Variants in VWA3A observed in about 807,000 individuals in gnomAD.
VWA3A encodes von Willebrand factor A domain containing 3A, also known as von Willebrand factor A domain-containing protein 3A.
In VWA3A, 134 loss-of-function variants were observed where a neutral mutation model predicts 160.4. That is an observed-to-expected ratio of 0.84 (90% CI 0.73 to 0.96). The LOEUF is 0.96. Among genes scored for constraint, VWA3A ranks in the 40% least tolerant of loss-of-function variants. The probability of loss-of-function intolerance (pLI) is 0.00; values close to 1 mark genes in which losing one functional copy is unlikely to be tolerated. For synonymous variants in VWA3A, 476 were observed against 543.4 expected (o/e 0.88, Z 1.72); for missense variants, 1,310 against 1,447.9 (o/e 0.90, Z 1.55).
intron 30 of VWA3A, among the ~76,000 whole-genome samples, chr16:22,151,566 C>T (rs1055456966): frequency 2.6e-5 from 4 of 151,898 alleles, no homozygotes; most frequent in East Asian, 1.9e-4. Context: ...TTTTTATAAA[C>T]GATCACTATA....
intron 22 of VWA3A, among the ~76,000 whole-genome samples, chr16:22,139,844 C>G (rs1409133290): frequency 6.6e-6 from 1 of 152,150 alleles, no homozygotes; most frequent in Non-Finnish European, 1.5e-5. Flanking sequence ...TGGCAAACCC[C>G]CATAGCTCTC....
intron 21 of VWA3A, among the ~76,000 whole-genome samples, 189 bp downstream of exon 21, chr16:22,134,627 C>T (rs2046008373): frequency 6.6e-6 from 1 of 152,152 alleles, no homozygotes; most frequent in South Asian, 2.1e-4. Flanking sequence ...AGAATCTTTC[C>T]TTGCCCCTCC....
At chr16:22,136,265 A>G (rs1422400115) in intron 21 of VWA3A, among the ~76,000 whole-genome samples, 4 of 152,116 alleles carry the variant, frequency 2.6e-5, no homozygotes, top group Non-Finnish European at 5.9e-5. Flanking sequence ...AAAACATACA[A>G]ACTGACCCCC....
chr16:22,129,600 A>T (rs1188030790), intron 17 of VWA3A, among the ~76,000 whole-genome samples: 1 of 152,094 alleles, frequency 6.6e-6, no homozygotes, highest in Non-Finnish European at 1.5e-5. Flanking sequence ...AGACATTAAG[A>T]GGAGGAGGAG....
intron 6 of VWA3A, among the ~76,000 whole-genome samples, chr16:22,105,234 C>G (rs2045466817): frequency 6.6e-6 from 1 of 152,220 alleles, no homozygotes; most frequent in African/African-American, 2.4e-5. Flanking sequence ...ACTACCCCAT[C>G]CTCGCACCTT....
At position 22,096,963 on chromosome 16, in the gene VWA3A, ATTTTTTTT is replaced by A; in HGVS notation, c.101+31_101+38del. The A allele has an allele frequency of 1.9e-6, 2 of 1,079,054 alleles. No individual in the cohort carries two copies. The highest frequency in any genetic ancestry group is 1.6e-5 in the South Asian group (1 of 62,024). 66.8% of individuals were successfully genotyped at this position (1,079,054 alleles called of 1,614,324 possible). A position where few individuals can be genotyped will look rare whatever the true frequency, so the allele number is the denominator to read the frequency against. On this transcript the variant is annotated intron_variant, in intron 2 of 33. Coordinates refer to ENST00000389398, the MANE Select transcript of VWA3A (RefSeq NM_173615.5). ...AACCATTGGTAAGCATAGTTCTCTG[ATTTTTTTT>A]TTTTTTTTTTTTGAGGCAGATTCTC... is the stretch of plus-strand genomic sequence containing the variant.
chr16:22,099,986 A>C (rs1252330172), intron 3 of VWA3A, among the ~76,000 whole-genome samples: 1 of 151,938 alleles, frequency 6.6e-6, no homozygotes, highest in Non-Finnish European at 1.5e-5. Context: ...GAGGCAGGAG[A>C]ATCACTTGAA....
At position 22,132,891 on chromosome 16, in the gene VWA3A, C is replaced by G. The variant is rs773733278; in HGVS notation, c.1873-9C>G. The G allele has an allele frequency of 7.5e-6, 12 of 1,607,074 alleles. No homozygotes were observed. In the South Asian group the frequency reaches 7.7e-5, roughly 10 times the overall value. The stretch of plus-strand genomic sequence containing the variant: ...CTGCTGGCCCCTCCTACCTTCTCTT[C>G]CCCACCAGCCTACACTCAGTGCCTA... On this transcript the variant is annotated splice_polypyrimidine_tract_variant and intron_variant, in intron 19 of 33. Coordinates refer to ENST00000389398, the MANE Select transcript of VWA3A (RefSeq NM_173615.5).
At chr16:22,155,771 G>T (rs1197373908) in intron 32 of VWA3A, 80 bp from the exon 33 acceptor site, 3 of 1,608,364 alleles carry the variant, frequency 1.9e-6, no homozygotes, top group African/African-American at 1.3e-5. Flanking sequence ...TTGCTCCAAG[G>T]GTTCCTGCCC....
chr16:22,115,288 A>G, intron 8 of VWA3A, 59 bp from the exon 9 acceptor site: 1 of 1,495,526 alleles, frequency 6.7e-7, no homozygotes. Flanking sequence ...AAAAGAAATT[A>G]AAATGAAATT....
chr16:22,123,768 C>G, intron 16 of VWA3A, 61 bp downstream of exon 16: 1 of 1,458,586 alleles, frequency 6.9e-7, no homozygotes, highest in Non-Finnish European at 9.4e-7. Context: ...TGACATTTAT[C>G]CGCCTCATGA....
chr16:22,100,369 A>C, intron 4 of VWA3A, 47 bp from the exon 5 acceptor site: 1 of 1,551,640 alleles, frequency 6.4e-7, no homozygotes, highest in Non-Finnish European at 8.7e-7. Flanking sequence ...TGACACATGC[A>C]ACCCCCTGGG....
intron 10 of VWA3A, 31 bp downstream of exon 10, chr16:22,116,898 T>C (rs1262117477): frequency 6.3e-7 from 1 of 1,597,934 alleles, no homozygotes; most frequent in African/African-American, 1.3e-5. Flanking sequence ...GAGGTGCCCC[T>C]TGGCTTTGGT....
chr16:22,150,794 A>G lies in VWA3A; in HGVS notation c.3229A>G (p.Arg1077Gly). 1.2e-6 allele frequency: 2 copies of G among 1,613,416 alleles called. No individual in the cohort carries two copies. Among genetic ancestry groups the G allele is most frequent in the Non-Finnish European group, 1.7e-6 (2 of 1,179,674 alleles). ...SLVLNEVQKLREKRDVKVHTI... is the reference protein window; with the variant it reads ...SLVLNEVQKLGEKRDVKVHTI... ...TGTCCTAAATGAAGTCCAAAAACTC[A>G]GGGAGAAAAGAGATGTGAAAGTGCA... is the stretch of plus-strand genomic sequence containing the variant. The change falls in exon 30 of 34, where the codon AGG becomes GGG. Residue 1077 changes from arginine to glycine, a missense_variant. Arg to Gly is a moderately radical substitution (Grantham distance 125). Transcript: ENST00000389398.
intron 14 of VWA3A, 147 bp from the exon 15 acceptor site, chr16:22,122,938 G>A (rs938590590): frequency 1.7e-5 from 11 of 650,108 alleles, no homozygotes; most frequent in African/African-American, 5.3e-5. Context: ...TGTGTGTGGT[G>A]GAGATGTGGG....
Position 22,149,456 on chromosome 16 carries a change from G to A in VWA3A, c.2985-331G>A, listed in dbSNP as rs145497002. ...ATGGGGGTCTCACTATGTTGCCCAG[G>A]CTGGTCTTGAACTCCTGGCCTCAAG... On this transcript the variant is annotated intron_variant, in intron 28 of 33. Coordinates refer to ENST00000389398, the MANE Select transcript of VWA3A (RefSeq NM_173615.5). 1.8e-3 allele frequency among the ~76,000 whole-genome samples: 271 copies of A among 152,248 alleles called. 1 individual carries two copies. The highest frequency in any genetic ancestry group is 6.3e-3 in the African/African-American group (262 of 41,542).
At chr16:22,154,268 G>C (rs1434378479) in intron 31 of VWA3A, among the ~76,000 whole-genome samples, 1 of 151,176 alleles carries the variant, frequency 6.6e-6, no homozygotes, top group Non-Finnish European at 1.5e-5. Context: ...TGCAGAATGG[G>C]ATTGCTGTGC....
At position 22,141,615 on chromosome 16, in the gene VWA3A, A is replaced by G; in HGVS notation, c.2417A>G (p.Glu806Gly). The stretch of plus-strand genomic sequence containing the variant: ...CAGCCAACGAAAGAAGGGATGATGG[A>G]ACTGAGGAGGAAGACCAAGTCAAGG... ...AAQPTKEGMM[E>G]LRRKTKSREA... The change falls in exon 24 of 34, where the codon GAA becomes GGA. Residue 806 changes from glutamate to glycine, a missense_variant. Physicochemically the swap from Glu to Gly is moderately conservative, Grantham distance 98. Coordinates refer to ENST00000389398, the MANE Select transcript of VWA3A (RefSeq NM_173615.5). 1 of 1,612,424 alleles carries G rather than the reference A, an allele frequency of 6.2e-7. No homozygotes were observed. The highest frequency in any genetic ancestry group is 8.5e-7 in the Non-Finnish European group (1 of 1,179,330).
intron 12 of VWA3A, 126 bp from the exon 13 acceptor site, chr16:22,120,842 C>G (rs1233598552): frequency 8.4e-7 from 1 of 1,197,162 alleles, no homozygotes; most frequent in African/African-American, 1.5e-5. Flanking sequence ...AAAGGCAAAA[C>G]TGCCTTTAAT....
Sources: gnomAD v4.1 joint callset for allele counts (sites outside exome capture counted in the v4.1 genomes callset) on GRCh38, gnomAD v4.1.1 for gene constraint, MANE v1.5 for transcripts, NCBI Gene and HGNC (gene_info 2026-07-23, HGNC 2026-07-21) for gene names.